XRCC6: variants seen among roughly 807,000 people sequenced by gnomAD.
XRCC6 encodes X-ray repair cross complementing 6, also known as DNA repair protein Ku70.
In XRCC6, 5 loss-of-function variants were observed where a neutral mutation model predicts 65.7. The observed-to-expected ratio is 0.08, with a 90% confidence interval of 0.04 to 0.16. XRCC6 has a LOEUF of 0.16. Among genes scored for constraint, XRCC6 ranks in the 10% least tolerant of loss-of-function variants. The pLI, the probability that XRCC6 is intolerant of heterozygous loss-of-function variation, is 1.00. For synonymous variants in XRCC6, 270 were observed against 270.6 expected (o/e 1.00, Z 0.02); for missense variants, 447 against 738.1 (o/e 0.61, Z 4.57).
intron 6 of XRCC6, among the ~76,000 whole-genome samples, chr22:41,646,228 G>A (rs1173803833): frequency 1.3e-5 from 2 of 151,902 alleles, no homozygotes; most frequent in East Asian, 1.9e-4. Context: ...GCTTGAACCC[G>A]GGAGGTGGAG....
intron 7 of XRCC6, among the ~76,000 whole-genome samples, chr22:41,649,285 G>C (rs2147103319): frequency 6.7e-6 from 1 of 150,222 alleles, no homozygotes; most frequent in African/African-American, 2.4e-5. Flanking sequence ...TCCCACCTCA[G>C]CCACCTGGGT....
intron 10 of XRCC6, among the ~76,000 whole-genome samples, chr22:41,657,967 G>C (rs950408994): frequency 2.0e-5 from 3 of 152,094 alleles, no homozygotes; most frequent in Non-Finnish European, 4.4e-5. Flanking sequence ...GGGACCACAG[G>C]CGTGCACCAA....
chr22:41,629,676 A>T (rs138883239), intron 3 of XRCC6, among the ~76,000 whole-genome samples: 1 of 148,958 alleles, frequency 6.7e-6, no homozygotes, highest in Non-Finnish European at 1.5e-5. Flanking sequence ...ATTTATTTTT[A>T]TTATTATTTT....
At chr22:41,636,982 ATAAAG>A (rs954269234) in intron 5 of XRCC6, among the ~76,000 whole-genome samples, 4 of 152,160 alleles carry the variant, frequency 2.6e-5, no homozygotes, top group African/African-American at 9.7e-5. Context: ...AAATAAAAAA[ATAAAG>A]TGAAGCCAGA....
At chr22:41,639,954 G>C (rs1025891927) in intron 6 of XRCC6, among the ~76,000 whole-genome samples, 1 of 150,408 alleles carries the variant, frequency 6.6e-6, no homozygotes, top group Admixed American at 6.6e-5. Context: ...CTCTGCGTCC[G>C]GCCTAGATTC....
chr22:41,621,366 T>C (rs951437530), intron 1 of XRCC6, 21 bp downstream of exon 1: 1 of 170,390 alleles, frequency 5.9e-6, no homozygotes, highest in African/African-American at 2.4e-5. Flanking sequence ...CGTTATCCAT[T>C]TGTGTTGTTC....
At chr22:41,639,836 AT>A (rs907235835) in intron 6 of XRCC6, among the ~76,000 whole-genome samples, 3 of 148,040 alleles carry the variant, frequency 2.0e-5, no homozygotes, top group African/African-American at 7.5e-5. Flanking sequence ...CTAATTTTGT[AT>A]TTTTAGTAGA....
intron 3 of XRCC6, among the ~76,000 whole-genome samples, chr22:41,629,473 T>C (rs2067715992): frequency 6.6e-6 from 1 of 152,216 alleles, no homozygotes; most frequent in African/African-American, 2.4e-5. Flanking sequence ...TGATTTCATT[T>C]ACATGAAATA....
At chr22:41,622,522 G>T (rs1272514110) in intron 2 of XRCC6, among the ~76,000 whole-genome samples, 1 of 152,124 alleles carries the variant, frequency 6.6e-6, no homozygotes, top group Non-Finnish European at 1.5e-5. Context: ...TAGCCTCCAC[G>T]TTTGGGAGTG....
chr22:41,630,504 T>A (rs1225968701), intron 3 of XRCC6, among the ~76,000 whole-genome samples: 3 of 147,448 alleles, frequency 2.0e-5, no homozygotes, highest in Admixed American at 1.3e-4. Context: ...TTTTTTTTTT[T>A]AATTTATTTT....
At chr22:41,642,902 T>C (rs114954654) in intron 6 of XRCC6, among the ~76,000 whole-genome samples, 164 of 152,344 alleles carry the variant, frequency 1.1e-3, no homozygotes, top group African/African-American at 3.9e-3. Context: ...ACATCATGCA[T>C]TTCCAAGTTG....
chr22:41,656,884 A>AT lies in XRCC6; in HGVS notation c.1292-16dup. On this transcript the variant is annotated intron_variant, in intron 9 of 12. Coordinates refer to ENST00000360079, the MANE Select transcript of XRCC6 (RefSeq NM_001469.5). The stretch of plus-strand genomic sequence containing the variant: ...AACACTTGAAGTCAAATCAAAGAAA[A>AT]TTTATCTCCTTTCTTCAGGCTTCCA... 6.2e-7 allele frequency: 1 copy of AT among 1,612,098 alleles called. No homozygotes were observed. The highest frequency in any genetic ancestry group is 8.5e-7 in the Non-Finnish European group (1 of 1,179,816).
intron 11 of XRCC6, among the ~76,000 whole-genome samples, chr22:41,659,159 T>C (rs747273928): frequency 6.6e-6 from 1 of 152,092 alleles, no homozygotes; most frequent in Non-Finnish European, 1.5e-5. Flanking sequence ...GGTCTCAGAA[T>C]GATCTATTTT....
chr22:41,644,147 CAA>C (rs201779980), intron 6 of XRCC6, among the ~76,000 whole-genome samples: 1 of 139,926 alleles, frequency 7.1e-6, no homozygotes. Flanking sequence ...ACCCTGTCTC[CAA>C]AAAAAAAAAG....
chr22:41,632,346 C>T (rs1300263245), intron 3 of XRCC6, among the ~76,000 whole-genome samples: 1 of 151,498 alleles, frequency 6.6e-6, no homozygotes, highest in African/African-American at 2.4e-5. Context: ...TGTGGTGGCT[C>T]ACGCCTGTAA....
At chr22:41,622,725 T>C (rs1198660041) in intron 2 of XRCC6, among the ~76,000 whole-genome samples, 1 of 151,920 alleles carries the variant, frequency 6.6e-6, no homozygotes, top group African/African-American at 2.4e-5. Context: ...CGGATCACGA[T>C]GTCAGGAGAT....
chr22:41,649,137 AAAAT>A (rs1476830525), intron 7 of XRCC6, among the ~76,000 whole-genome samples: 57 of 92,872 alleles, frequency 6.1e-4, no homozygotes, highest in South Asian at 4.1e-3. Flanking sequence ...AAAAAAAAAA[AAAAT>A]ATATATATAT....
At chr22:41,648,065 C>G (rs531731079) in intron 7 of XRCC6, 1 of 112,710 alleles carries the variant, frequency 8.9e-6, no homozygotes, top group Non-Finnish European at 1.7e-5. Flanking sequence ...CCCTCCTCTC[C>G]CCTCCTCTCT....
chr22:41,649,160 A>ATATATATATATATATATATATG (rs1376197191), intron 7 of XRCC6, among the ~76,000 whole-genome samples: 7 of 125,842 alleles, frequency 5.6e-5, no homozygotes, highest in South Asian at 4.9e-4. Context: ...ATATATATAT[A>ATATATATATATATATATATATG]TATGTATGTA....
Sources: allele counts gnomAD v4.1 joint callset (sites outside exome capture counted in the v4.1 genomes callset), GRCh38; gene constraint gnomAD v4.1.1; transcripts MANE v1.5; gene names NCBI Gene and HGNC (gene_info 2026-07-23, HGNC 2026-07-21).